PEBP4: variants seen among roughly 807,000 people sequenced by gnomAD.
The protein encoded by PEBP4 is phosphatidylethanolamine binding protein 4.
Under a neutral mutation model 23.9 loss-of-function variants are expected in PEBP4, and 22 were observed. The observed-to-expected ratio is 0.92, with a 90% CI of 0.66 to 1.31. PEBP4 has a LOEUF of 1.31. PEBP4 is among the 40% of genes most tolerant of loss of function. PEBP4 has a pLI of 0.00. For synonymous variants in PEBP4, 112 were observed against 99.3 expected, an observed-to-expected ratio of 1.13 and a Z score of -0.76; for missense variants, 324 against 281.7, an observed-to-expected ratio of 1.15 and a Z score of -1.07.
In PEBP4 at chr8:22,810,782, C is replaced by T. The variant is rs534333490; in HGVS notation, c.357+6855G>A. 1.7e-3 allele frequency among the ~76,000 whole-genome samples: 253 copies of T among 149,676 alleles called. 2 individuals carry two copies. Among genetic ancestry groups the T allele is most frequent in the Non-Finnish European group, 2.6e-3 (176 of 67,712 alleles). ...CTGATCCAGGAATTCTCCTGGATGG[C>T]AGAATTGGTTTCCATAACGACTTTC... On this transcript the variant is annotated intron_variant, in intron 4 of 6. Coordinates refer to ENST00000256404, the MANE Select transcript of PEBP4 (RefSeq NM_144962.3).
chr8:22,885,655 A>C (rs1269054942), intron 3 of PEBP4: 4 of 152,254 alleles, frequency 2.6e-5, no homozygotes, highest in Non-Finnish European at 5.9e-5. Flanking sequence ...GTCTGTGGAC[A>C]ACATCTCCAC....
chr8:22,877,784 C>T lies in PEBP4; in HGVS notation c.258+42400G>A, dbSNP rs373406480. On this transcript the variant is annotated intron_variant, in intron 3 of 6. Transcript: ENST00000256404. ...CGCTCGGCAGAACATGAGCTGCTTACATAAACACTGCCTCAGAGACACCTG... is the reference window on the plus strand; with the variant it reads ...CGCTCGGCAGAACATGAGCTGCTTATATAAACACTGCCTCAGAGACACCTG... 8.5e-5 allele frequency among the ~76,000 whole-genome samples: 13 copies of T among 152,202 alleles called. 1 individual carries two copies. The East Asian group carries it at 1.7e-3, about 20-fold the overall frequency.
intron 3 of PEBP4, among the ~76,000 whole-genome samples, chr8:22,838,139 G>T (rs757533471): frequency 1.3e-5 from 2 of 151,998 alleles, no homozygotes; most frequent in Admixed American, 6.5e-5. Flanking sequence ...GGGCTCCAGC[G>T]ATCCTCTCAC....
rs765102669 is a variant in PEBP4, at chr8:22,727,222, T to G, written c.358-2A>C. Reference sequence around the variant, plus strand: ...CTTCCCTTTCTTCAGGTCGGCGCCCTGAAAGAAGAGACAAGCAGGGCTGTA... The same window carrying G: ...CTTCCCTTTCTTCAGGTCGGCGCCCGGAAAGAAGAGACAAGCAGGGCTGTA... On this transcript the variant is annotated splice_acceptor_variant, in intron 4 of 6. Coordinates refer to ENST00000256404, the MANE Select transcript of PEBP4 (RefSeq NM_144962.3). LOFTEE classifies it high-confidence loss of function. 3.7e-6 allele frequency: 6 copies of G among 1,613,540 alleles called. No individual in the cohort carries two copies.
chr8:22,751,502 C>G (rs950940315), intron 4 of PEBP4, among the ~76,000 whole-genome samples: 8 of 152,080 alleles, frequency 5.3e-5, no homozygotes, highest in African/African-American at 1.9e-4. Context: ...TTCCCTTTCT[C>G]CTAAATCGGT....
intron 3 of PEBP4, among the ~76,000 whole-genome samples, chr8:22,857,954 C>T (rs1006472764): frequency 5.9e-5 from 9 of 152,102 alleles, no homozygotes; most frequent in East Asian, 1.9e-4. Flanking sequence ...GTGTGTTGGG[C>T]GATGCTTCAC....
intron 4 of PEBP4, among the ~76,000 whole-genome samples, chr8:22,770,448 C>A (rs1805695227): frequency 6.6e-6 from 1 of 152,248 alleles, no homozygotes; most frequent in South Asian, 2.1e-4. Context: ...GAAGCTGCAT[C>A]CTGTCCTCTC....
chr8:22,763,341 T>C (rs1805548676), intron 4 of PEBP4, among the ~76,000 whole-genome samples: 1 of 152,196 alleles, frequency 6.6e-6, no homozygotes, highest in Admixed American at 6.5e-5. Flanking sequence ...TCTTCTTGAA[T>C]CCCACTCCAC....
chr8:22,839,599 A>C (rs959363341), intron 3 of PEBP4, among the ~76,000 whole-genome samples: 26 of 152,314 alleles, frequency 1.7e-4, no homozygotes, highest in African/African-American at 5.8e-4. Context: ...GGGATGATGA[A>C]GACTTGGTGT....
At chr8:22,727,838 C>T (rs530796469) in intron 4 of PEBP4, among the ~76,000 whole-genome samples, 1 of 152,140 alleles carries the variant, frequency 6.6e-6, no homozygotes, top group Non-Finnish European at 1.5e-5. Context: ...GCCACTGGGA[C>T]AGCCTCAGTT....
At chr8:22,857,556 G>A (rs976990736) in intron 3 of PEBP4, among the ~76,000 whole-genome samples, 9 of 152,214 alleles carry the variant, frequency 5.9e-5, no homozygotes, top group Admixed American at 2.0e-4. Flanking sequence ...CAGGCCAGAA[G>A]CTGGCCTGGT....
chr8:22,907,780 C>A (rs1038809895), intron 3 of PEBP4, among the ~76,000 whole-genome samples: 1 of 152,026 alleles, frequency 6.6e-6, no homozygotes, highest in Admixed American at 6.6e-5. Context: ...GTATGCTGGG[C>A]GTTGAGGCAG....
intron 4 of PEBP4, among the ~76,000 whole-genome samples, chr8:22,731,104 A>G (rs1489698760): frequency 1.3e-5 from 2 of 152,198 alleles, no homozygotes; most frequent in African/African-American, 4.8e-5. Context: ...TTTAAATGCT[A>G]AGGTTAAAAA....
At chr8:22,718,950 C>T (rs1317957144) in intron 6 of PEBP4, among the ~76,000 whole-genome samples, 2 of 152,012 alleles carry the variant, frequency 1.3e-5, no homozygotes, top group East Asian at 1.9e-4. Context: ...CTTGAAGCTG[C>T]GTGGGGCTCT....
chr8:22,743,993 G>A (rs1005305966), intron 4 of PEBP4, among the ~76,000 whole-genome samples: 8 of 152,224 alleles, frequency 5.3e-5, no homozygotes, highest in Non-Finnish European at 1.2e-4. Context: ...TCACAGCCTG[G>A]GGGTTGTGGC....
At chr8:22,752,434 C>A (rs566011823) in intron 4 of PEBP4, among the ~76,000 whole-genome samples, 62 of 152,358 alleles carry the variant, frequency 4.1e-4, no homozygotes, top group Non-Finnish European at 6.6e-4. Flanking sequence ...CCTGTGGAAG[C>A]TCACTTTAAG....
intron 3 of PEBP4, among the ~76,000 whole-genome samples, chr8:22,849,033 C>A (rs913473027): frequency 6.6e-6 from 1 of 152,170 alleles, no homozygotes; most frequent in Non-Finnish European, 1.5e-5. Context: ...AAGAGGGCAA[C>A]CCCCAGCCTC....
intron 4 of PEBP4, among the ~76,000 whole-genome samples, chr8:22,796,135 G>A (rs1047686926): frequency 1.9e-4 from 29 of 152,190 alleles, no homozygotes; most frequent in African/African-American, 6.8e-4. Flanking sequence ...GTTGGCGGAC[G>A]CTTAGAGTCT....
rs1458091300 is a variant in PEBP4, at chr8:22,935,520, T to C, written c.145-7800A>G. ...CAGCCTGGGCAGCAGAGTGAGACTG[T>C]CTCAAAAACAAAAAACACAATACAT... On this transcript the variant is annotated intron_variant, in intron 1 of 1. Coordinates refer to the PEBP4 transcript ENST00000522278. Among the ~76,000 whole-genome samples the C allele has an allele frequency of 2.0e-5, 3 of 152,176 alleles. No individual in the cohort carries two copies. In the East Asian group the frequency reaches 5.8e-4, roughly 29 times the overall value.
Sources: allele counts gnomAD v4.1 joint callset (sites outside exome capture counted in the v4.1 genomes callset), GRCh38; gene constraint gnomAD v4.1.1; transcripts MANE v1.5; gene names NCBI Gene and HGNC (gene_info 2026-07-23, HGNC 2026-07-21).